FRMD8: variants seen among roughly 807,000 people sequenced by gnomAD.
FRMD8 encodes FERM domain containing 8.
Under a neutral mutation model 54.2 loss-of-function variants are expected in FRMD8, and 37 were observed. The observed-to-expected ratio is 0.68, with a 90% CI of 0.53 to 0.90. FRMD8 has a LOEUF of 0.90. FRMD8 is among the 40% of genes least tolerant of loss of function. FRMD8 has a pLI of 0.00. For missense variants in FRMD8, 585 were observed against 653.7 expected (o/e 0.89, Z 1.15); for synonymous variants, 246 against 286.9 (o/e 0.86, Z 1.44).
the FRMD8 span, among the ~76,000 whole-genome samples, chr11:65,373,050 C>T: frequency 6.6e-6 from 1 of 152,094 alleles, no homozygotes; most frequent in African/African-American, 2.4e-5. Context: ...TCAGGAGTTC[C>T]AGACCAGGCT....
At chr11:65,387,625 G>A (rs1275164507) in intron 2 of FRMD8, among the ~76,000 whole-genome samples, 2 of 152,028 alleles carry the variant, frequency 1.3e-5, no homozygotes, top group Non-Finnish European at 2.9e-5. Flanking sequence ...TGCAAGCCCC[G>A]CCTTCGGGGT....
At chr11:65,391,266 C>T (rs1320159926) in intron 3 of FRMD8, among the ~76,000 whole-genome samples, 36 of 152,196 alleles carry the variant, frequency 2.4e-4, no homozygotes, top group Admixed American at 2.0e-3. Context: ...TCTGGGACTG[C>T]GGGAGTTCTG....
chr11:65,394,501 T>A, intron 6 of FRMD8, 76 bp downstream of exon 6: 1 of 1,494,884 alleles, frequency 6.7e-7, no homozygotes, highest in East Asian at 2.5e-5. Context: ...ACAAGCAGTC[T>A]TCAGTCTCGC....
intron 7 of FRMD8, among the ~76,000 whole-genome samples, chr11:65,398,693 G>C (rs575758979): frequency 5.1e-4 from 77 of 152,342 alleles, no homozygotes; most frequent in African/African-American, 1.8e-3. Context: ...TTGAGGGGGA[G>C]GTGACAGCCC....
chr11:65,404,950 C>G lies in FRMD8; in HGVS notation c.1158C>G (p.Gly386=). The G allele has an allele frequency of 6.2e-7, 1 of 1,613,170 alleles. No homozygotes were observed. The highest frequency in any genetic ancestry group is 8.5e-7 in the Non-Finnish European group (1 of 1,180,026). ...EPAGPQDSAT[G]SPSDPSSSLA... ...CAGGCCCCCAGGACAGTGCGACTGGCTCGCCCTCGGACCCCAGCTCCTCAC... is the reference window on the plus strand; with the variant it reads ...CAGGCCCCCAGGACAGTGCGACTGGGTCGCCCTCGGACCCCAGCTCCTCAC... The change falls in exon 10 of 11, where the codon GGC becomes GGG. Residue 386 remains glycine (G), a synonymous_variant. Coordinates refer to ENST00000317568, the MANE Select transcript of FRMD8 (RefSeq NM_031904.5). This position sits in a 1 kb window ranked among gnomAD's most constrained non-coding sequence, Gnocchi z 4.7.
the FRMD8 span, among the ~76,000 whole-genome samples, chr11:65,373,047 T>C: frequency 6.6e-6 from 1 of 151,612 alleles, no homozygotes; most frequent in African/African-American, 2.4e-5. Context: ...AGGTCAGGAG[T>C]TCCAGACCAG....
intron 10 of FRMD8, among the ~76,000 whole-genome samples, chr11:65,405,893 T>C (rs888246304): frequency 6.6e-6 from 1 of 152,084 alleles, no homozygotes; most frequent in African/African-American, 2.4e-5. Flanking sequence ...TCTCACCTTC[T>C]TGGGAGGCTG....
chr11:65,373,851 G>T, the FRMD8 span, among the ~76,000 whole-genome samples: 20 of 152,146 alleles, frequency 1.3e-4, no homozygotes, highest in Non-Finnish European at 2.6e-4. Context: ...GCCTCCTAAA[G>T]TGCTGTAATT....
upstream of FRMD8, among the ~76,000 whole-genome samples, chr11:65,386,210 T>TTGTC (rs1855727070): frequency 6.6e-6 from 1 of 152,202 alleles, no homozygotes; most frequent in Non-Finnish European, 1.5e-5. Context: ...GAGAAGGGAC[T>TTGTC]TGTCCAGGAT....
At chr11:65,379,401 G>A in the FRMD8 span, 2 of 1,611,656 alleles carry the variant, frequency 1.2e-6, no homozygotes, top group Non-Finnish European at 1.7e-6. Context: ...GGTGCAGCCC[G>A]CTAGGAAGAT....
rs934578689 is a variant in FRMD8 at position 65,393,921 on chromosome 11, G to T, written c.356-120G>T. ...GAGCTGCACACTCCACCCTCTGCAC[G>T]GCCCTCCGGTTTTCTCAGCCCTGGT... On this transcript the variant is annotated intron_variant, in intron 4 of 10. Transcript: ENST00000317568. 4.7e-6 allele frequency: 5 copies of T among 1,069,314 alleles called. No individual in the cohort carries two copies. The Admixed American group carries it at 6.0e-5, about 13-fold the overall frequency. The allele number at this position is 1,069,314 out of a possible 1,614,324, so 66.2% of individuals were successfully genotyped here.
At chr11:65,408,834 C>A (rs765642929) in intron 10 of FRMD8, among the ~76,000 whole-genome samples, 66 of 150,558 alleles carry the variant, frequency 4.4e-4, no homozygotes, top group Middle Eastern at 3.5e-3. Flanking sequence ...GGTCTCAAAA[C>A]TCCTGGGATC....
Position 65,405,047 on chromosome 11 carries a change from A to G in FRMD8, c.1255A>G (p.Thr419Ala), listed in dbSNP as rs764361244. Residue 419 changes from threonine to alanine, a missense_variant, in exon 10 of 11, where the codon ACC becomes GCC. Transcript: ENST00000317568. The part of the protein sequence containing the change: ...VVSSRIQHLS[T>A]IDYVEDGKGI... ...GTCCAGCCGGATCCAGCATCTCTCCACCATCGACTACGTGGAGGACGGTGA... is the reference window on the plus strand; with the variant it reads ...GTCCAGCCGGATCCAGCATCTCTCCGCCATCGACTACGTGGAGGACGGTGA... 6.2e-7 allele frequency: 1 copy of G among 1,613,438 alleles called. No homozygotes were observed. Among genetic ancestry groups the G allele is most frequent in the Non-Finnish European group, 8.5e-7 (1 of 1,180,000 alleles).
chr11:65,380,807 A>G, the FRMD8 span: 26 of 335,560 alleles, frequency 7.7e-5, no homozygotes, highest in African/African-American at 4.8e-4. Context: ...AATGCCACCC[A>G]GAAGCTGGGC....
intron 10 of FRMD8, among the ~76,000 whole-genome samples, chr11:65,409,170 C>G (rs1168686837): frequency 6.6e-6 from 1 of 152,106 alleles, no homozygotes; most frequent in Non-Finnish European, 1.5e-5. Flanking sequence ...ACTGCAACCT[C>G]TGCCTCCCGG....
intron 2 of FRMD8, among the ~76,000 whole-genome samples, chr11:65,387,652 C>T (rs959875382): frequency 6.6e-5 from 10 of 152,102 alleles, no homozygotes; most frequent in Non-Finnish European, 1.3e-4. Context: ...CATTCTCCTG[C>T]CTCAGCCTCC....
chr11:65,389,327 G>T, intron 2 of FRMD8, 34 bp from the exon 3 acceptor site: 1 of 1,603,494 alleles, frequency 6.2e-7, no homozygotes, highest in Non-Finnish European at 8.5e-7. Flanking sequence ...GCCAGGCAGA[G>T]GCCTCAGCTG....
At chr11:65,408,511 G>A (rs1487473691) in intron 10 of FRMD8, among the ~76,000 whole-genome samples, 1 of 151,692 alleles carries the variant, frequency 6.6e-6, no homozygotes, top group African/African-American at 2.4e-5. Context: ...AGTTTTCAGC[G>A]TTCAGCTCTT....
intron 10 of FRMD8, among the ~76,000 whole-genome samples, chr11:65,408,632 A>T (rs1293323783): frequency 6.6e-6 from 1 of 150,734 alleles, no homozygotes; most frequent in Non-Finnish European, 1.5e-5. Flanking sequence ...TTTTTTTTTT[A>T]AATAGGATTT....
Sources: gnomAD v4.1 joint callset for allele counts (sites outside exome capture counted in the v4.1 genomes callset) on GRCh38, gnomAD v4.1.1 for gene constraint, Gnocchi (gnomAD v3.1) non-coding constraint, MANE v1.5 for transcripts, NCBI Gene and HGNC (gene_info 2026-07-23, HGNC 2026-07-21) for gene names.